RIMKLB: variants seen among roughly 807,000 people sequenced by gnomAD.
The protein encoded by RIMKLB is beta-citrylglutamate synthase B.
A neutral mutation model predicts 32.0 loss-of-function variants in RIMKLB; 7 were observed. The ratio of observed to expected loss-of-function variants is 0.22; its 90% CI spans 0.12 to 0.41. The LOEUF (loss-of-function observed/expected upper bound fraction) is 0.41. Among genes scored for constraint, RIMKLB ranks in the 10% least tolerant of loss-of-function variants. RIMKLB has a pLI of 1.00. For synonymous variants in RIMKLB, 172 were observed against 185.1 expected (o/e 0.93, Z 0.57); for missense variants, 289 against 498.7 (o/e 0.58, Z 4.00).
intron 1 of RIMKLB, among the ~76,000 whole-genome samples, chr12:8,685,358 T>G (rs1942537649): frequency 6.6e-6 from 1 of 152,214 alleles, no homozygotes; most frequent in Non-Finnish European, 1.5e-5. Flanking sequence ...CATTTCAAAA[T>G]GCTGAGAGGT....
intron 1 of RIMKLB, among the ~76,000 whole-genome samples, chr12:8,702,166 A>G (rs1943466144): frequency 6.6e-6 from 1 of 152,184 alleles, no homozygotes; most frequent in Non-Finnish European, 1.5e-5. Context: ...CAGGTTATGC[A>G]TTTCCCACTG....
intron 1 of RIMKLB, among the ~76,000 whole-genome samples, chr12:8,690,446 G>T (rs778934684): frequency 1.4e-4 from 21 of 152,288 alleles, no homozygotes; most frequent in African/African-American, 3.8e-4. Flanking sequence ...ACTAAGAAGT[G>T]GGGGGAAACT....
downstream of RIMKLB, chr12:8,777,255 A>G: frequency 1.0e-6 from 1 of 969,448 alleles, no homozygotes; most frequent in Non-Finnish European, 1.2e-6. Context: ...TTAAAAAAAC[A>G]AAACAAAGTT....
the RIMKLB span, among the ~76,000 whole-genome samples, chr12:8,673,377 T>C: frequency 4.6e-5 from 7 of 152,168 alleles, no homozygotes; most frequent in Non-Finnish European, 1.0e-4. Flanking sequence ...TTTAACAAAC[T>C]ACACCAAAAA....
In RIMKLB at chr12:8,773,881, A is replaced by G; in HGVS notation, c.*97A>G. On this transcript the variant is annotated 3_prime_UTR_variant, in exon 6 of 6. Transcript: ENST00000535829. The stretch of plus-strand genomic sequence containing the variant: ...GCAATGCTGTTCATGGAGGATGCTC[A>G]GGAAGATGAGAGAAAATTAGTAGGA... 1.4e-6 allele frequency: 2 copies of G among 1,473,756 alleles called. No individual in the cohort carries two copies. The highest frequency in any genetic ancestry group is 1.4e-5 in the African/African-American group (1 of 70,744). The allele number at this position is 1,473,756 out of a possible 1,614,324, so 91.3% of individuals were successfully genotyped here. A position where few individuals can be genotyped will look rare whatever the true frequency, so the allele number is the denominator to read the frequency against.
chr12:8,782,729 TAACTG>T (rs1484220709), intron 7 of RIMKLB, among the ~76,000 whole-genome samples: 1 of 152,206 alleles, frequency 6.6e-6, no homozygotes, highest in Non-Finnish European at 1.5e-5. Context: ...ATATCTTTGT[TAACTG>T]AGCTCACCAA....
rs140763073 is a variant in RIMKLB at position 8,687,268 on chromosome 12, A to T, written n.219+5450A>T. On this transcript the variant is annotated intron_variant and non_coding_transcript_variant, in intron 1 of 1. Coordinates refer to the RIMKLB transcript ENST00000538758. ...ATGTGCTTCCTCTCTAAGCATCATGAGTACTTTCAAATTAGGAGTTTAAAT... is the reference window on the plus strand; with the variant it reads ...ATGTGCTTCCTCTCTAAGCATCATGTGTACTTTCAAATTAGGAGTTTAAAT... Among the ~76,000 whole-genome samples, 737 of 152,330 alleles carry T rather than the reference A, an allele frequency of 4.8e-3. 3 individuals carry two copies. The highest frequency in any genetic ancestry group is 7.1e-3 in the Non-Finnish European group (483 of 68,030).
At chr12:8,746,650 T>G (rs1365147070) in intron 2 of RIMKLB, among the ~76,000 whole-genome samples, 12 of 151,970 alleles carry the variant, frequency 7.9e-5, no homozygotes. Flanking sequence ...AACAAATGAT[T>G]GTGAGGAGAA....
chr12:8,695,209 G>GCCC (rs1942852128), upstream of RIMKLB, among the ~76,000 whole-genome samples: 1 of 71,432 alleles, frequency 1.4e-5, no homozygotes, highest in Non-Finnish European at 2.9e-5. Context: ...GCCCCGCCCC[G>GCCC]CCCGGCCCCG....
chr12:8,723,083 T>C (rs1945624964), intron 2 of RIMKLB, among the ~76,000 whole-genome samples: 1 of 152,260 alleles, frequency 6.6e-6, no homozygotes, highest in Admixed American at 6.5e-5. Flanking sequence ...TTCCTTTGCA[T>C]ATACAACTTG....
chr12:8,707,662 C>G (rs1479034199), intron 1 of RIMKLB, among the ~76,000 whole-genome samples: 2 of 152,174 alleles, frequency 1.3e-5, no homozygotes, highest in African/African-American at 4.8e-5. Flanking sequence ...ATGCCTTGGT[C>G]TTTCTGGTGA....
intron 5 of RIMKLB, among the ~76,000 whole-genome samples, chr12:8,765,137 GACA>G (rs1949850136): frequency 2.6e-5 from 4 of 151,956 alleles, no homozygotes; most frequent in African/African-American, 9.7e-5. Flanking sequence ...ATAGCCAGGT[GACA>G]GGGAGGAATG....
chr12:8,725,317 G>T (rs940504257), intron 2 of RIMKLB, among the ~76,000 whole-genome samples: 8 of 151,958 alleles, frequency 5.3e-5, no homozygotes, highest in African/African-American at 1.9e-4. Flanking sequence ...TTGCTCTGTT[G>T]CCCATGCTGG....
At chr12:8,768,354 C>G (rs1014953881) in intron 5 of RIMKLB, among the ~76,000 whole-genome samples, 1 of 151,944 alleles carries the variant, frequency 6.6e-6, no homozygotes, top group South Asian at 2.1e-4. Context: ...GGACAGTGAG[C>G]AAAAGCTCAG....
upstream of RIMKLB, among the ~76,000 whole-genome samples, chr12:8,678,088 C>A (rs773043362): frequency 2.6e-5 from 4 of 151,590 alleles, no homozygotes; most frequent in South Asian, 8.3e-4. Context: ...ACAAACCCAG[C>A]CTTGCCCCTT....
At chr12:8,770,339 T>C (rs1950307516) in intron 5 of RIMKLB, among the ~76,000 whole-genome samples, 2 of 152,236 alleles carry the variant, frequency 1.3e-5, no homozygotes, top group Admixed American at 1.3e-4. Context: ...TATATTCCAG[T>C]TTTGCTGAAA....
upstream of RIMKLB, among the ~76,000 whole-genome samples, chr12:8,694,794 TTACC>T (rs1158422145): frequency 6.6e-6 from 1 of 152,212 alleles, no homozygotes; most frequent in Non-Finnish European, 1.5e-5. Context: ...AAGACATTAC[TTACC>T]TATAGAGTTG....
rs913148564 is a variant in RIMKLB, at chr12:8,774,726, T to C, written c.*942T>C. On this transcript the variant is annotated 3_prime_UTR_variant, in exon 6 of 6. Transcript: ENST00000535829. ...TTAAAGCCTTTTATTTTTTCCCTTT[T>C]TGTTTTGGTAGTTGGGCATTTAAAT... 1 of 985,784 alleles carries C rather than the reference T, an allele frequency of 1.0e-6. No individual in the cohort carries two copies. Among genetic ancestry groups the C allele is most frequent in the Non-Finnish European group, 1.2e-6 (1 of 829,882 alleles). 61.1% of individuals were successfully genotyped at this position (985,784 alleles called of 1,614,324 possible). A position where few individuals can be genotyped will look rare whatever the true frequency, so the allele number is the denominator to read the frequency against.
intron 2 of RIMKLB, among the ~76,000 whole-genome samples, chr12:8,742,010 C>G (rs965193088): frequency 6.6e-6 from 1 of 150,570 alleles, no homozygotes; most frequent in Non-Finnish European, 1.5e-5. Context: ...AAGCAATTCT[C>G]GTGCCTCAGC....
Sources: allele counts gnomAD v4.1 joint callset (sites outside exome capture counted in the v4.1 genomes callset), GRCh38; gene constraint gnomAD v4.1.1; transcripts MANE v1.5; gene names NCBI Gene and HGNC (gene_info 2026-07-23, HGNC 2026-07-21).